The following DCLK2 variants were observed in gnomAD, a reference collection of about 807,000 sequenced individuals.
The protein encoded by DCLK2 is doublecortin like kinase 2, also known as serine/threonine-protein kinase DCLK2.
DCLK2 carries 31 observed loss-of-function variants against 78.4 expected under a neutral mutation model. The ratio of observed to expected loss-of-function variants is 0.40; its 90% CI spans 0.30 to 0.53. The LOEUF is 0.53. Ranked by LOEUF, DCLK2 falls within the 20% of genes least tolerant of loss-of-function variation. DCLK2 has a pLI of 0.61. For missense variants in DCLK2, 872 were observed against 973.7 expected (o/e 0.90, Z 1.39); for synonymous variants, 407 against 374.9 (o/e 1.09, Z -0.99).
intron 13 of DCLK2, among the ~76,000 whole-genome samples, chr4:150,248,026 G>A (rs1405688236): frequency 1.3e-5 from 2 of 152,176 alleles, no homozygotes; most frequent in Non-Finnish European, 2.9e-5. Context: ...ATTGCCAAAA[G>A]GAAAAATACT....
intron 2 of DCLK2, among the ~76,000 whole-genome samples, chr4:150,114,109 C>T (rs1731895569): frequency 6.6e-6 from 1 of 151,978 alleles, no homozygotes; most frequent in Non-Finnish European, 1.5e-5. Context: ...TGAGAAGATA[C>T]TTGAAGTAAT....
intron 2 of DCLK2, among the ~76,000 whole-genome samples, chr4:150,111,714 C>T (rs1326053645): frequency 6.6e-6 from 1 of 152,096 alleles, no homozygotes; most frequent in Non-Finnish European, 1.5e-5. Context: ...CCAGTCTTCC[C>T]AGCACCACTT....
chr4:150,223,893 T>C (rs1359233548), intron 7 of DCLK2, among the ~76,000 whole-genome samples: 2 of 152,150 alleles, frequency 1.3e-5, no homozygotes, highest in East Asian at 3.8e-4. Flanking sequence ...TGAGAAATAA[T>C]GAAAGTCAGG....
intron 8 of DCLK2, among the ~76,000 whole-genome samples, chr4:150,230,684 T>C (rs955616561): frequency 6.6e-6 from 1 of 152,156 alleles, no homozygotes; most frequent in African/African-American, 2.4e-5. Context: ...TGTGAATCAA[T>C]GGAGAGGGTT....
chr4:150,251,369 T>C (rs538146260), intron 15 of DCLK2, among the ~76,000 whole-genome samples: 1 of 1,058 alleles, frequency 9.5e-4, no homozygotes, highest in Non-Finnish European at 1.5e-3. Context: ...CCGCACACCC[T>C]CCACACCACA....
At chr4:150,179,920 C>T (rs1160433) in intron 2 of DCLK2, among the ~76,000 whole-genome samples, 137,770 of 152,200 alleles carry the variant, frequency 0.91, 62,447 homozygotes, top group Middle Eastern at 0.93. Context: ...AAACTTGTAC[C>T]GACCTTATGA....
chr4:150,146,707 T>G (rs756866600), intron 2 of DCLK2, among the ~76,000 whole-genome samples: 5 of 152,144 alleles, frequency 3.3e-5, no homozygotes, highest in Non-Finnish European at 7.3e-5. Flanking sequence ...TAGCCTTCAA[T>G]AAGTGTTGGT....
chr4:150,178,857 CTCTT>C (rs1447896646), intron 2 of DCLK2, among the ~76,000 whole-genome samples: 1 of 152,142 alleles, frequency 6.6e-6, no homozygotes, highest in Non-Finnish European at 1.5e-5. Flanking sequence ...CTTGAAATAT[CTCTT>C]TCTAAGCTCA....
chr4:150,166,392 G>T lies in DCLK2; in HGVS notation c.757-26746G>T, dbSNP rs1157677052. Among the ~76,000 whole-genome samples, 4 of 145,794 alleles carry T rather than the reference G, an allele frequency of 2.7e-5. No individual in the cohort carries two copies. In the East Asian group the frequency reaches 7.7e-4, roughly 28 times the overall value. On this transcript the variant is annotated intron_variant, in intron 2 of 15. Transcript: ENST00000296550. ...ACCTGTGGTCCTAGCTACTTGGAAGGCTGAGTTAGGAGGATCACTTGAGCC... is the reference window on the plus strand; with the variant it reads ...ACCTGTGGTCCTAGCTACTTGGAAGTCTGAGTTAGGAGGATCACTTGAGCC...
At chr4:150,084,037 C>G (rs1729485095) in intron 1 of DCLK2, among the ~76,000 whole-genome samples, 1 of 152,204 alleles carries the variant, frequency 6.6e-6, no homozygotes. Flanking sequence ...GCAGGATGGC[C>G]ATATTGGCCG....
At chr4:150,230,284 A>T (rs1741941810) in intron 8 of DCLK2, among the ~76,000 whole-genome samples, 1 of 152,192 alleles carries the variant, frequency 6.6e-6, no homozygotes, top group South Asian at 2.1e-4. Flanking sequence ...ATTGAAAAAG[A>T]TAATAACTTT....
chr4:150,098,265 A>G (rs1208690896), intron 1 of DCLK2, among the ~76,000 whole-genome samples: 5 of 151,592 alleles, frequency 3.3e-5, no homozygotes, highest in Admixed American at 2.0e-4. Context: ...CAAGAGGGGG[A>G]TGTTTGGTAT....
chr4:150,154,676 G>A (rs1228102540), intron 2 of DCLK2, among the ~76,000 whole-genome samples: 1 of 152,092 alleles, frequency 6.6e-6, no homozygotes, highest in African/African-American at 2.4e-5. Flanking sequence ...CTAGACAAAT[G>A]TACAGAAATG....
At chr4:150,177,222 C>G (rs1287208732) in intron 2 of DCLK2, among the ~76,000 whole-genome samples, 1 of 152,046 alleles carries the variant, frequency 6.6e-6, no homozygotes, top group African/African-American at 2.4e-5. Context: ...AGACATCTTG[C>G]AGGGTTTTTT....
intron 2 of DCLK2, among the ~76,000 whole-genome samples, chr4:150,167,592 C>G (rs72730393): frequency 0.15 from 22,743 of 152,094 alleles, 2,169 homozygotes; most frequent in South Asian, 0.43. Flanking sequence ...GGAACTGTTA[C>G]AGTAGGTAGC....
chr4:150,122,477 ATCATTC>A (rs1732619551), intron 2 of DCLK2, among the ~76,000 whole-genome samples: 1 of 152,196 alleles, frequency 6.6e-6, no homozygotes, highest in South Asian at 2.1e-4. Context: ...GCTGGAAACC[ATCATTC>A]TCAGCAAACT....
Position 150,232,211 on chromosome 4 carries a change from G to A in DCLK2, c.1300-126G>A, listed in dbSNP as rs533697158. 4.2e-5 allele frequency: 51 copies of A among 1,205,186 alleles called. No homozygotes were observed. The African/African-American group carries it at 7.6e-4, about 18-fold the overall frequency. The allele number at this position is 1,205,186 out of a possible 1,614,324, so 74.7% of individuals were successfully genotyped here. A position where few individuals can be genotyped will look rare whatever the true frequency, so the allele number is the denominator to read the frequency against. On this transcript the variant is annotated intron_variant, in intron 8 of 15. Coordinates refer to ENST00000296550, the MANE Select transcript of DCLK2 (RefSeq NM_001040260.4). ...AATTAGGTCAGGTTTAGTTGTCTTT[G>A]TGCCAAGAGCAATGCTTTCTTTGGC...
intron 2 of DCLK2, among the ~76,000 whole-genome samples, chr4:150,158,021 C>T (rs1345274650): frequency 1.3e-5 from 2 of 152,166 alleles, no homozygotes; most frequent in East Asian, 3.9e-4. Flanking sequence ...TGTTTAGCTC[C>T]CTTTATTGTT....
intron 2 of DCLK2, among the ~76,000 whole-genome samples, chr4:150,180,401 G>T (rs1384264505): frequency 6.6e-6 from 1 of 152,142 alleles, no homozygotes; most frequent in Admixed American, 6.5e-5. Context: ...TTGGAAGATT[G>T]CCACCTTTTG....
Sources: allele counts gnomAD v4.1 joint callset (sites outside exome capture counted in the v4.1 genomes callset), GRCh38; gene constraint gnomAD v4.1.1; transcripts MANE v1.5; gene names NCBI Gene and HGNC (gene_info 2026-07-23, HGNC 2026-07-21).